The following B3GLCT variants were observed in gnomAD, a reference collection of about 807,000 sequenced individuals.
The protein encoded by B3GLCT is beta-1,3-glucosyltransferase.
A neutral mutation model predicts 63.4 loss-of-function variants in B3GLCT; 65 were observed. The ratio of observed to expected loss-of-function variants is 1.03; its 90% CI spans 0.84 to 1.26. The LOEUF (loss-of-function observed/expected upper bound fraction) is 1.26. Among genes scored for constraint, B3GLCT ranks in the 50% most tolerant of loss-of-function variants. The pLI is 0.00. For synonymous variants in B3GLCT, 233 were observed against 219.2 expected (o/e 1.06, Z -0.55); for missense variants, 577 against 604.8 (o/e 0.95, Z 0.48).
chr13:31,245,599 C>T (rs933021619), intron 4 of B3GLCT, among the ~76,000 whole-genome samples: 2 of 152,058 alleles, frequency 1.3e-5, no homozygotes, highest in Non-Finnish European at 2.9e-5. Flanking sequence ...TTAATTGATA[C>T]ATAATAACTC....
intron 6 of B3GLCT, among the ~76,000 whole-genome samples, chr13:31,250,034 CT>C (rs1198785672): frequency 6.6e-6 from 1 of 152,090 alleles, no homozygotes; most frequent in Non-Finnish European, 1.5e-5. Context: ...AAACTTTTAA[CT>C]TTTATTAATC....
intron 6 of B3GLCT, among the ~76,000 whole-genome samples, chr13:31,253,454 G>C (rs530417984): frequency 6.6e-6 from 1 of 151,866 alleles, no homozygotes; most frequent in South Asian, 2.1e-4. Flanking sequence ...TTAGCTGGGC[G>C]TGGTGGCGGG....
chr13:31,316,164 C>T (rs186308296), intron 12 of B3GLCT, among the ~76,000 whole-genome samples: 1 of 152,058 alleles, frequency 6.6e-6, no homozygotes, highest in Non-Finnish European at 1.5e-5. Flanking sequence ...CCCACTGGGA[C>T]ACTGCCTAGT....
chr13:31,226,686 C>T (rs1870119829), intron 3 of B3GLCT, among the ~76,000 whole-genome samples: 1 of 152,090 alleles, frequency 6.6e-6, no homozygotes, highest in Non-Finnish European at 1.5e-5. Flanking sequence ...CCTCCCACTT[C>T]AGCTTCCCAA....
At chr13:31,290,093 C>T (rs887877707) in intron 12 of B3GLCT, among the ~76,000 whole-genome samples, 1 of 152,142 alleles carries the variant, frequency 6.6e-6, no homozygotes, top group African/African-American at 2.4e-5. Flanking sequence ...GTTCAACTCC[C>T]ACTTATGACT....
chr13:31,264,534 T>C (rs1872198669), intron 7 of B3GLCT, among the ~76,000 whole-genome samples: 1 of 152,182 alleles, frequency 6.6e-6, no homozygotes, highest in Non-Finnish European at 1.5e-5. Context: ...TATTTAAAAT[T>C]CTACTTACCT....
chr13:31,209,405 A>T (rs980203137), intron 1 of B3GLCT, among the ~76,000 whole-genome samples: 1 of 152,192 alleles, frequency 6.6e-6, no homozygotes, highest in African/African-American at 2.4e-5. Flanking sequence ...GGAAAGCTCC[A>T]CGGAGAGGCA....
At chr13:31,309,956 A>T (rs946890244) in intron 12 of B3GLCT, among the ~76,000 whole-genome samples, 2 of 152,164 alleles carry the variant, frequency 1.3e-5, no homozygotes, top group African/African-American at 4.8e-5. Flanking sequence ...ATCAGATTAA[A>T]TTCCTACCTT....
chr13:31,323,700 C>T (rs1298224152), intron 13 of B3GLCT, 51 bp from the exon 14 acceptor site: 5 of 1,608,594 alleles, frequency 3.1e-6, no homozygotes, highest in African/African-American at 1.3e-5. Flanking sequence ...TGTGCAGCAG[C>T]GGTGTCTGTG....
chr13:31,244,079 T>A (rs1566059273), intron 4 of B3GLCT, among the ~76,000 whole-genome samples: 1 of 152,224 alleles, frequency 6.6e-6, no homozygotes, highest in Non-Finnish European at 1.5e-5. Context: ...CATGAATGCC[T>A]TTACTATGTC....
chr13:31,269,094 A>G (rs973956183), intron 7 of B3GLCT, 120 bp from the exon 8 acceptor site: 4 of 734,196 alleles, frequency 5.4e-6, no homozygotes, highest in African/African-American at 3.6e-5. Flanking sequence ...TTAAACTGTT[A>G]TTTTTATCTT....
chr13:31,271,487 TA>T (rs1330000438), intron 8 of B3GLCT, among the ~76,000 whole-genome samples: 1 of 152,196 alleles, frequency 6.6e-6, no homozygotes, highest in East Asian at 1.9e-4. Context: ...CAGAAGCTTT[TA>T]AACTTTTTTT....
intron 12 of B3GLCT, among the ~76,000 whole-genome samples, chr13:31,290,079 C>T (rs1873576971): frequency 6.6e-6 from 1 of 152,110 alleles, no homozygotes; most frequent in Non-Finnish European, 1.5e-5. Context: ...CAGGTGTTCT[C>T]CTTGTTCAAC....
chr13:31,242,791 A>G (rs1177952355), intron 4 of B3GLCT, among the ~76,000 whole-genome samples: 1 of 152,258 alleles, frequency 6.6e-6, no homozygotes, highest in Non-Finnish European at 1.5e-5. Context: ...ATTTCTAAAT[A>G]ATGAGGTAAT....
chr13:31,278,760 A>T (rs1849164), intron 10 of B3GLCT, among the ~76,000 whole-genome samples: 96,586 of 152,112 alleles, frequency 0.63, 32,086 homozygotes, highest in East Asian at 0.79. Context: ...AGTTACAAGG[A>T]TAACATCACA....
At chr13:31,321,109 G>C (rs1322776174) in intron 13 of B3GLCT, among the ~76,000 whole-genome samples, 2 of 152,202 alleles carry the variant, frequency 1.3e-5, no homozygotes, top group Non-Finnish European at 2.9e-5. Context: ...TTAGCATAGG[G>C]ACTCATGTTT....
intron 7 of B3GLCT, among the ~76,000 whole-genome samples, chr13:31,263,613 A>G (rs1018267368): frequency 6.6e-6 from 1 of 152,174 alleles, no homozygotes; most frequent in Non-Finnish European, 1.5e-5. Flanking sequence ...TTCATGAACC[A>G]GGGTTGCAGG....
At chr13:31,308,752 C>T (rs1874545820) in intron 12 of B3GLCT, among the ~76,000 whole-genome samples, 1 of 152,218 alleles carries the variant, frequency 6.6e-6, no homozygotes, top group Admixed American at 6.5e-5. Flanking sequence ...ACCATACCCT[C>T]TAGTTTCAAT....
At chr13:31,316,848 A>G (rs1216404856) in intron 12 of B3GLCT, among the ~76,000 whole-genome samples, 1 of 152,198 alleles carries the variant, frequency 6.6e-6, no homozygotes, top group Admixed American at 6.5e-5. Context: ...TTTTATGACC[A>G]ACTCACGGAT....
Sources: gnomAD v4.1 joint callset for allele counts (sites outside exome capture counted in the v4.1 genomes callset) on GRCh38, gnomAD v4.1.1 for gene constraint, MANE v1.5 for transcripts, NCBI Gene and HGNC (gene_info 2026-07-23, HGNC 2026-07-21) for gene names.